TENM3: variants seen among roughly 807,000 people sequenced by gnomAD.
TENM3 encodes the protein teneurin-3.
A neutral mutation model predicts 255.1 loss-of-function variants in TENM3; 63 were observed. The ratio of observed to expected loss-of-function variants is 0.25; its 90% confidence interval spans 0.20 to 0.30. The LOEUF is 0.30. TENM3 is among the 10% of genes least tolerant of loss of function. The pLI, the probability that TENM3 is intolerant of heterozygous loss-of-function variation, is 1.00. For missense variants in TENM3, 2,929 were observed against 3,461.1 expected, an observed-to-expected ratio of 0.85 and a Z score of 3.86; for synonymous variants, 1,306 against 1,322.3, an observed-to-expected ratio of 0.99 and a Z score of 0.27.
chr4:182,216,679 TAC>T (rs1216982213), intron 1 of TENM3, among the ~76,000 whole-genome samples: 1 of 152,224 alleles, frequency 6.6e-6, no homozygotes, highest in African/African-American at 2.4e-5. Flanking sequence ...ATGAGAAGTT[TAC>T]AGAGAGTACA....
the TENM3 span, among the ~76,000 whole-genome samples, chr4:181,796,706 C>T: frequency 1.3e-5 from 2 of 152,174 alleles, no homozygotes; most frequent in African/African-American, 4.8e-5. Context: ...AGCCTAGACA[C>T]TCAGCAGGAG....
the TENM3 span, among the ~76,000 whole-genome samples, chr4:181,818,145 A>G: frequency 9.9e-5 from 15 of 152,108 alleles, no homozygotes; most frequent in Admixed American, 3.9e-4. Flanking sequence ...TGCTTTTCTC[A>G]TCCTTCAGAC....
intron 1 of TENM3, among the ~76,000 whole-genome samples, chr4:182,310,827 C>T (rs1365531507): frequency 2.6e-5 from 4 of 152,192 alleles, no homozygotes; most frequent in African/African-American, 9.7e-5. Flanking sequence ...CTGCCTCAGC[C>T]TCCCGAGTAG....
the TENM3 span, among the ~76,000 whole-genome samples, chr4:181,459,965 C>T: frequency 3.3e-5 from 5 of 151,904 alleles, no homozygotes; most frequent in African/African-American, 1.2e-4. Context: ...ATTTTCACTT[C>T]ACTTACCTCT....
chr4:181,569,526 C>T, the TENM3 span, among the ~76,000 whole-genome samples: 1 of 152,054 alleles, frequency 6.6e-6, no homozygotes, highest in African/African-American at 2.4e-5. Flanking sequence ...GGTTGTTTCC[C>T]CTTTTTGCAC....
At chr4:181,947,107 C>T in the TENM3 span, among the ~76,000 whole-genome samples, 775 of 152,192 alleles carry the variant, frequency 5.1e-3, 7 homozygotes, top group African/African-American at 0.017. Flanking sequence ...TTCTTTTTAC[C>T]AGAGTTGTTT....
chr4:182,443,113 A>T (rs1772637180), intron 3 of TENM3, among the ~76,000 whole-genome samples: 1 of 152,174 alleles, frequency 6.6e-6, no homozygotes, highest in South Asian at 2.1e-4. Flanking sequence ...CCATAATTAA[A>T]AACAATTCAA....
At chr4:182,760,498 A>AACT (rs1265509076) in intron 22 of TENM3, among the ~76,000 whole-genome samples, 1 of 152,114 alleles carries the variant, frequency 6.6e-6, no homozygotes, top group African/African-American at 2.4e-5. Context: ...CAACATGAAA[A>AACT]ACTATGAATT....
the TENM3 span, among the ~76,000 whole-genome samples, chr4:182,032,672 T>G: frequency 6.6e-6 from 1 of 152,176 alleles, no homozygotes; most frequent in Non-Finnish European, 1.5e-5. Flanking sequence ...GTTGTAAATC[T>G]ATCTGGTCCT....
intron 13 of TENM3, 82 bp downstream of exon 13, chr4:182,714,315 CAAAAAAAAA>C (rs374337174): frequency 2.1e-4 from 30 of 140,896 alleles, no homozygotes; most frequent in East Asian, 7.5e-4. Flanking sequence ...TATCTGTTGC[CAAAAAAAAA>C]AAAAAAAAAA....
chr4:181,625,820 A>T, the TENM3 span, among the ~76,000 whole-genome samples: 218 of 147,870 alleles, frequency 1.5e-3, 1 homozygote, highest in Admixed American at 2.3e-3. Context: ...TCTCAAAAAA[A>T]AATAATAATA....
At chr4:182,675,952 A>G (rs1185125668) in intron 7 of TENM3, among the ~76,000 whole-genome samples, 1 of 152,204 alleles carries the variant, frequency 6.6e-6, no homozygotes, top group Non-Finnish European at 1.5e-5. Context: ...TATGTGTTTA[A>G]GTAGGTTATG....
At chr4:182,478,273 A>T (rs760348900) in intron 3 of TENM3, among the ~76,000 whole-genome samples, 5 of 152,122 alleles carry the variant, frequency 3.3e-5, no homozygotes, top group African/African-American at 4.8e-5. Flanking sequence ...GAATTAGTCA[A>T]ATTTTTTCTA....
At chr4:182,616,178 A>G (rs1484113651) in intron 4 of TENM3, among the ~76,000 whole-genome samples, 1 of 152,170 alleles carries the variant, frequency 6.6e-6, no homozygotes, top group Non-Finnish European at 1.5e-5. Context: ...CACAAGCCCT[A>G]CCAAAACCGG....
chr4:182,199,769 AG>A (rs1754067296), intron 1 of TENM3, among the ~76,000 whole-genome samples: 1 of 123,794 alleles, frequency 8.1e-6, no homozygotes, highest in African/African-American at 3.2e-5. Context: ...TCTGTCGCCT[AG>A]GCTGGAGTGC....
chr4:181,761,031 G>T, the TENM3 span, among the ~76,000 whole-genome samples: 1 of 143,654 alleles, frequency 7.0e-6, no homozygotes, highest in African/African-American at 2.7e-5. Flanking sequence ...AATCATTTTG[G>T]TAAGTCTGTT....
intron 1 of TENM3, among the ~76,000 whole-genome samples, chr4:182,316,768 C>A (rs908125614): frequency 1.3e-5 from 2 of 152,140 alleles, no homozygotes; most frequent in African/African-American, 4.8e-5. Flanking sequence ...CCTCAGAATT[C>A]TTTCTCCAAG....
the TENM3 span, among the ~76,000 whole-genome samples, chr4:181,919,374 G>GGC: frequency 6.8e-6 from 1 of 146,746 alleles, no homozygotes; most frequent in Non-Finnish European, 1.5e-5. Context: ...AAGCAAAGCA[G>GGC]GTGTGTGTGT....
intron 3 of TENM3, among the ~76,000 whole-genome samples, chr4:182,520,397 C>T (rs951394806): frequency 2.0e-5 from 3 of 152,154 alleles, no homozygotes; most frequent in Non-Finnish European, 2.9e-5. Context: ...TCCTTGGTGT[C>T]TAGACAAGCC....
Sources: gnomAD v4.1 joint callset for allele counts (sites outside exome capture counted in the v4.1 genomes callset) on GRCh38, gnomAD v4.1.1 for gene constraint, MANE v1.5 for transcripts, NCBI Gene and HGNC (gene_info 2026-07-23, HGNC 2026-07-21) for gene names.